RDX: variants seen among roughly 807,000 people sequenced by gnomAD.
The protein encoded by RDX is deafness, autosomal recessive 24.
Under a neutral mutation model 83.7 loss-of-function variants are expected in RDX, and 32 were observed. The observed-to-expected ratio is 0.38, with a 90% CI of 0.29 to 0.51. The LOEUF (loss-of-function observed/expected upper bound fraction) is 0.51. Among genes scored for constraint, RDX ranks in the 20% least tolerant of loss-of-function variants. RDX has a pLI of 0.87. For missense variants in RDX, 600 were observed against 689.9 expected (o/e 0.87, Z 1.46); for synonymous variants, 229 against 222.7 (o/e 1.03, Z -0.25).
At position 110,237,570 on chromosome 11, in the gene RDX, C is replaced by G; in HGVS notation, c.1173G>C (p.Lys391Asn). ...TTGCCTCTTCAGCAGCTCGACGCTC[C>G]TTTTCAAGTCGTTCTGCTTCTTCTT... ...RAKEEAERLE[K>N]ERRAAEEAKS... Residue 391 changes from lysine (K) to asparagine (N), a missense_variant, in exon 11 of 14, where the codon AAG (lysine) becomes AAC (asparagine). Coordinates refer to ENST00000645495, the MANE Select transcript of RDX (RefSeq NM_002906.4). The G allele has an allele frequency of 6.2e-7, 1 of 1,614,090 alleles. No homozygotes were observed. The highest frequency in any genetic ancestry group is 8.5e-7 in the Non-Finnish European group (1 of 1,180,030).
chr11:110,241,126 A>C (rs1414188619), intron 10 of RDX, among the ~76,000 whole-genome samples: 2 of 151,142 alleles, frequency 1.3e-5, no homozygotes, highest in Non-Finnish European at 1.5e-5. Flanking sequence ...TGTATATTTT[A>C]CCTCAATAAA....
chr11:110,217,907 A>AGAT (rs10625953), intron 14 of RDX, among the ~76,000 whole-genome samples: 74,798 of 151,802 alleles, frequency 0.49, 19,568 homozygotes, highest in African/African-American at 0.68. Context: ...TTCTTCCTCT[A>AGAT]GATGTTTTAA....
At chr11:110,242,739 T>C (rs1385807088) in intron 10 of RDX, among the ~76,000 whole-genome samples, 1 of 152,164 alleles carries the variant, frequency 6.6e-6, no homozygotes, top group Non-Finnish European at 1.5e-5. Context: ...CTCCAGTCCC[T>C]CCTAAAAAAG....
intron 3 of RDX, among the ~76,000 whole-genome samples, chr11:110,267,518 ACACAC>A (rs1860099735): frequency 2.1e-5 from 1 of 46,552 alleles, no homozygotes; most frequent in Non-Finnish European, 4.5e-5. Flanking sequence ...GTCTCAAAAC[ACACAC>A]ACACACACAC....
intron 4 of RDX, 98 bp from the exon 5 acceptor site, chr11:110,264,332 A>G (rs1565322785): frequency 2.5e-6 from 2 of 808,920 alleles, no homozygotes; most frequent in East Asian, 5.3e-5. Flanking sequence ...ATGAAGTGAA[A>G]TAGATTCTAA....
intron 14 of RDX, among the ~76,000 whole-genome samples, chr11:110,203,180 A>G (rs1863476948): frequency 6.6e-6 from 1 of 152,216 alleles, no homozygotes; most frequent in African/African-American, 2.4e-5. Context: ...ATTCAGCCAT[A>G]AAGAATAATG....
intron 14 of RDX, among the ~76,000 whole-genome samples, chr11:110,207,619 CTTTTT>C (rs573296856): frequency 2.2e-4 from 33 of 149,182 alleles, no homozygotes; most frequent in Middle Eastern, 3.5e-3. Context: ...TGTTTTTTAC[CTTTTT>C]TTTTTAAACA....
intron 15 of RDX, among the ~76,000 whole-genome samples, chr11:110,183,786 A>T (rs1862933220): frequency 6.6e-6 from 1 of 152,194 alleles, no homozygotes; most frequent in Non-Finnish European, 1.5e-5. Context: ...GTCTGTCACC[A>T]AGCCTGGCTT....
At chr11:110,212,377 T>C (rs1471289110) in intron 14 of RDX, among the ~76,000 whole-genome samples, 3 of 113,940 alleles carry the variant, frequency 2.6e-5, no homozygotes, top group East Asian at 5.7e-4. Flanking sequence ...CAGGACCAGA[T>C]GGATTCACAG....
At chr11:110,206,270 A>AAAC (rs1226540562) in intron 14 of RDX, among the ~76,000 whole-genome samples, 2 of 151,380 alleles carry the variant, frequency 1.3e-5, no homozygotes, top group African/African-American at 4.9e-5. Flanking sequence ...AAAAAAAAAA[A>AAAC]AAAAATACTG....
chr11:110,273,078 G>A, intron 2 of RDX: 1 of 456,230 alleles, frequency 2.2e-6, no homozygotes, highest in Non-Finnish European at 4.4e-6. Context: ...AATTAGTTGG[G>A]TGTGGTGGCA....
At chr11:110,198,801 T>C in intron 15 of RDX, among the ~76,000 whole-genome samples, 1 of 150,564 alleles carries the variant, frequency 6.6e-6, no homozygotes, top group Non-Finnish European at 1.5e-5. Flanking sequence ...ACTTCATTTT[T>C]AAGTAAATCT....
chr11:110,211,376 TTAA>T (rs1863831301), intron 14 of RDX, among the ~76,000 whole-genome samples: 1 of 151,110 alleles, frequency 6.6e-6, no homozygotes, highest in Non-Finnish European at 1.5e-5. Flanking sequence ...CTCCCACACA[TTAA>T]TAATGGGAGA....
chr11:110,277,602 G>A lies in RDX; in HGVS notation c.12+2079C>T, dbSNP rs73555792. ...CCCAAAGTACTGGGATTACAGGCGT[G>A]ATTTACCATGCCCGGCCTACCAGTC... On this transcript the variant is annotated intron_variant, in intron 2 of 13. Transcript: ENST00000645495. Among the ~76,000 whole-genome samples the A allele has an allele frequency of 2.0e-3, 297 of 151,886 alleles. 1 individual carries two copies. Among genetic ancestry groups the A allele is most frequent in the African/African-American group, 6.9e-3 (286 of 41,410 alleles).
chr11:110,252,119 A>G (rs1859362234), intron 9 of RDX, among the ~76,000 whole-genome samples: 2 of 152,220 alleles, frequency 1.3e-5, no homozygotes, highest in African/African-American at 4.8e-5. Context: ...GGTGACTAGA[A>G]TAATATATCT....
Position 110,268,508 on chromosome 11 carries a change from C to T in RDX, c.97-3634G>A, listed in dbSNP as rs937217284. On this transcript the variant is annotated intron_variant, in intron 3 of 13. Coordinates refer to ENST00000645495, the MANE Select transcript of RDX (RefSeq NM_002906.4). ...CCATAGAAAACATTCAAGCTTGGAG[C>T]GGCAGGAGTAGTAATGTACAGGTCA... 1.8e-4 allele frequency among the ~76,000 whole-genome samples: 27 copies of T among 152,182 alleles called. 1 individual carries two copies. The highest frequency in any genetic ancestry group is 5.1e-4 in the African/African-American group (21 of 41,528).
chr11:110,180,286 T>C (rs1186413036), intron 15 of RDX, among the ~76,000 whole-genome samples: 1 of 104,294 alleles, frequency 9.6e-6, no homozygotes, highest in African/African-American at 3.7e-5. Context: ...GCGCTCATCA[T>C]GCTATGTGCC....
chr11:110,263,911 C>A, intron 5 of RDX, 49 bp downstream of exon 5: 1 of 1,504,246 alleles, frequency 6.6e-7, no homozygotes, highest in Non-Finnish European at 9.2e-7. Context: ...TTATAGACTT[C>A]TAGAATACAA....
At chr11:110,186,694 T>G (rs981813095) in intron 15 of RDX, among the ~76,000 whole-genome samples, 1 of 152,000 alleles carries the variant, frequency 6.6e-6, no homozygotes, top group African/African-American at 2.4e-5. Flanking sequence ...CCGCAGGGGT[T>G]CCATACAACC....
Sources: gnomAD v4.1 joint callset for allele counts (sites outside exome capture counted in the v4.1 genomes callset) on GRCh38, gnomAD v4.1.1 for gene constraint, MANE v1.5 for transcripts, NCBI Gene and HGNC (gene_info 2026-07-23, HGNC 2026-07-21) for gene names.